The following LRRC28 variants were observed in gnomAD, a reference collection of about 807,000 sequenced individuals.
LRRC28 encodes leucine rich repeat containing 28.
LRRC28 carries 39 observed loss-of-function variants against 45.7 expected under a neutral mutation model. The observed-to-expected ratio is 0.85, with a 90% CI of 0.66 to 1.12. The LOEUF (loss-of-function observed/expected upper bound fraction) is 1.12. Ranked by LOEUF, LRRC28 falls within the 50% of genes most tolerant of loss-of-function variation. LRRC28 has a pLI of 0.00. For missense variants in LRRC28, 435 were observed against 438.5 expected (o/e 0.99, Z 0.07); for synonymous variants, 206 against 178.8 (o/e 1.15, Z -1.22).
At chr15:99,344,317 A>C (rs1219757057) in intron 6 of LRRC28, among the ~76,000 whole-genome samples, 3 of 151,974 alleles carry the variant, frequency 2.0e-5, no homozygotes, top group Non-Finnish European at 4.4e-5. Context: ...GCAGTTAGTA[A>C]GTGAGGAAGC....
At chr15:99,344,057 C>CCTGGTTCTCTTCATCATCCTG (rs1391419032) in intron 6 of LRRC28, among the ~76,000 whole-genome samples, 10 of 152,128 alleles carry the variant, frequency 6.6e-5, no homozygotes, top group African/African-American at 2.2e-4. Context: ...AGCAGAGCTG[C>CCTGGTTCTCTTCATCATCCTG]CTGGTTCTCT....
chr15:99,253,774 G>T (rs75282565), intron 1 of LRRC28, among the ~76,000 whole-genome samples: 1 of 152,240 alleles, frequency 6.6e-6, no homozygotes, highest in Admixed American at 6.5e-5. Context: ...TGGTAATACT[G>T]TTGGCCAGGC....
chr15:99,352,506 G>A, intron 7 of LRRC28, 35 bp downstream of exon 7: 3 of 1,516,962 alleles, frequency 2.0e-6, no homozygotes, highest in Middle Eastern at 1.7e-4. Flanking sequence ...CTAAAAAATA[G>A]ATTAACTACT....
chr15:99,278,901 C>T (rs1366633478), intron 3 of LRRC28, among the ~76,000 whole-genome samples: 2 of 152,302 alleles, frequency 1.3e-5, no homozygotes, highest in East Asian at 3.9e-4. Context: ...AGGTTCAATT[C>T]CTTGTAGGCT....
At chr15:99,370,489 G>A (rs1433281634) in intron 9 of LRRC28, among the ~76,000 whole-genome samples, 4 of 152,054 alleles carry the variant, frequency 2.6e-5, no homozygotes, top group Admixed American at 2.6e-4. Flanking sequence ...TTGGGAAGGG[G>A]GGAATGTGGA....
intron 5 of LRRC28, among the ~76,000 whole-genome samples, chr15:99,317,196 A>G (rs987332835): frequency 2.0e-5 from 3 of 152,170 alleles, no homozygotes; most frequent in African/African-American, 7.2e-5. Context: ...TTTTTCCTGT[A>G]TAAAAGGAAA....
At chr15:99,364,250 G>C (rs1037588602) in intron 9 of LRRC28, among the ~76,000 whole-genome samples, 1 of 152,226 alleles carries the variant, frequency 6.6e-6, no homozygotes, top group African/African-American at 2.4e-5. Flanking sequence ...AGCCTGCGTG[G>C]CAGGGCCATG....
rs114073036 is a variant in LRRC28, at chr15:99,291,912, A to G, written c.385+3961A>G. Among the ~76,000 whole-genome samples the G allele has an allele frequency of 1.5e-4, 23 of 152,286 alleles. 1 individual carries two copies. Among genetic ancestry groups the G allele is most frequent in the African/African-American group, 5.5e-4 (23 of 41,550 alleles). On this transcript the variant is annotated intron_variant, in intron 5 of 9. Transcript: ENST00000301981. ...TTTTTTTGAATTTTATTTAATTTGC[A>G]TATCTCTCTTGACTGATGTTATTTA...
intron 5 of LRRC28, among the ~76,000 whole-genome samples, chr15:99,298,568 G>A (rs2082323398): frequency 1.3e-5 from 2 of 152,142 alleles, no homozygotes; most frequent in Admixed American, 1.3e-4. Flanking sequence ...AGCCTATAAT[G>A]AGTTCATAAC....
intron 5 of LRRC28, among the ~76,000 whole-genome samples, chr15:99,329,925 A>G (rs192483251): frequency 1.4e-4 from 22 of 152,244 alleles, no homozygotes; most frequent in African/African-American, 5.1e-4. Flanking sequence ...TATTATACCC[A>G]TGCACCTATG....
At chr15:99,252,067 TG>T (rs1034962214) in intron 1 of LRRC28, 1 of 152,228 alleles carries the variant, frequency 6.6e-6, no homozygotes, top group Admixed American at 6.5e-5. Context: ...TTTTTTGTTT[TG>T]TTTTTAATAA....
intron 5 of LRRC28, among the ~76,000 whole-genome samples, chr15:99,319,162 C>T (rs992133417): frequency 1.3e-5 from 2 of 152,028 alleles, no homozygotes; most frequent in Non-Finnish European, 2.9e-5. Flanking sequence ...TTTCTTAAGG[C>T]AATGATTATA....
At chr15:99,352,547 C>G in intron 7 of LRRC28, 76 bp downstream of exon 7, 1 of 1,221,648 alleles carries the variant, frequency 8.2e-7, no homozygotes, top group South Asian at 1.3e-5. Flanking sequence ...TTGTCTTTGC[C>G]CTTGATGATA....
At chr15:99,339,841 A>G (rs1381831159) in intron 6 of LRRC28, among the ~76,000 whole-genome samples, 1 of 152,244 alleles carries the variant, frequency 6.6e-6, no homozygotes, top group East Asian at 1.9e-4. Context: ...ATAACTTTCT[A>G]CGAGGGAAAA....
intron 2 of LRRC28, among the ~76,000 whole-genome samples, chr15:99,274,033 C>A (rs149541289): frequency 6.6e-6 from 1 of 152,226 alleles, no homozygotes; most frequent in African/African-American, 2.4e-5. Flanking sequence ...GGGATTTAGA[C>A]GGATCCACAA....
At position 99,254,397 on chromosome 15, in the gene LRRC28, A is replaced by T. The variant is rs546650160; in HGVS notation, c.-60-1501A>T. Among the ~76,000 whole-genome samples the T allele has an allele frequency of 7.9e-4, 121 of 152,350 alleles. 1 individual carries two copies. Among genetic ancestry groups the T allele is most frequent in the Non-Finnish European group, 7.8e-4 (53 of 68,032 alleles). ...ATATAGCCAGAAAATTACAAAACTC[A>T]TGTTTATTGAAAGCTTATGTTGCTG... is the stretch of plus-strand genomic sequence containing the variant. On this transcript the variant is annotated intron_variant, in intron 1 of 9. Coordinates refer to ENST00000301981, the MANE Select transcript of LRRC28 (RefSeq NM_144598.5).
intron 7 of LRRC28, among the ~76,000 whole-genome samples, chr15:99,357,878 A>T (rs1957089957): frequency 6.6e-6 from 1 of 152,104 alleles, no homozygotes; most frequent in Admixed American, 6.6e-5. Context: ...TTAAATGATG[A>T]TGTATTCAAA....
chr15:99,387,263 T>A lies in LRRC28; in HGVS notation c.*1161T>A, dbSNP rs1039931048. ...TTTTAGTAGAGACGGGGTTTCACCG[T>A]GTTAGCCGGGATGGTCTCGATCTCC... is the stretch of plus-strand genomic sequence containing the variant. On this transcript the variant is annotated 3_prime_UTR_variant, in exon 10 of 10. Transcript: ENST00000301981. 9 of 151,338 alleles carry A rather than the reference T, an allele frequency of 5.9e-5. No individual in the cohort carries two copies. Among genetic ancestry groups the A allele is most frequent in the Admixed American group, 3.3e-4 (5 of 15,154 alleles). The allele number at this position is 151,338 out of a possible 1,614,324, so 9.4% of individuals were successfully genotyped here.
At chr15:99,259,247 A>G in intron 2 of LRRC28, 1 of 1,042,562 alleles carries the variant, frequency 9.6e-7, no homozygotes, top group Non-Finnish European at 1.5e-6. Context: ...GGCTGGGTCC[A>G]GCAGAAAAGA....
Sources: gnomAD v4.1 joint callset for allele counts (sites outside exome capture counted in the v4.1 genomes callset) on GRCh38, gnomAD v4.1.1 for gene constraint, MANE v1.5 for transcripts, NCBI Gene and HGNC (gene_info 2026-07-23, HGNC 2026-07-21) for gene names.